Variants in LRRTM3 observed in about 807,000 individuals in gnomAD.
LRRTM3 encodes the protein leucine rich repeat transmembrane neuronal 3, also known as leucine-rich repeat transmembrane neuronal protein 3.
A neutral mutation model predicts 44.7 loss-of-function variants in LRRTM3; 24 were observed. The ratio of observed to expected loss-of-function variants is 0.54; its 90% CI spans 0.39 to 0.76. The LOEUF (loss-of-function observed/expected upper bound fraction) is 0.76, where lower values mean the gene tolerates loss of function less well. LRRTM3 is among the 30% of genes least tolerant of loss of function. The pLI, the probability that LRRTM3 is intolerant of heterozygous loss-of-function variation, is 0.00. For synonymous variants in LRRTM3, 277 were observed against 278.7 expected (o/e 0.99, Z 0.06); for missense variants, 587 against 702.2 (o/e 0.84, Z 1.85).
At chr10:67,078,876 G>T (rs1291170515) in intron 2 of LRRTM3, among the ~76,000 whole-genome samples, 1 of 152,152 alleles carries the variant, frequency 6.6e-6, no homozygotes, top group Non-Finnish European at 1.5e-5. Context: ...CAGGACACTT[G>T]TAATTTTGAC....
intron 2 of LRRTM3, among the ~76,000 whole-genome samples, chr10:66,956,902 GC>G (rs1452901567): frequency 6.6e-6 from 1 of 152,192 alleles, no homozygotes; most frequent in Non-Finnish European, 1.5e-5. Flanking sequence ...GAGTTTAGAA[GC>G]TTTTTGGGGA....
At chr10:67,038,048 A>G (rs1034735606) in intron 2 of LRRTM3, among the ~76,000 whole-genome samples, 1 of 152,120 alleles carries the variant, frequency 6.6e-6, no homozygotes, top group African/African-American at 2.4e-5. Flanking sequence ...AATATTGTTG[A>G]CTGTGTCCAC....
Position 66,928,064 on chromosome 10 carries a change from A to G in LRRTM3, c.1148A>G (p.Lys383Arg), listed in dbSNP as rs1225384331. ...RALPKPTFKP[K>R]LPRPKHESKP... is the part of the protein sequence containing the mutation. ...CTCCCAAAGCCGACGTTTAAGCCCA[A>G]GCTCCCCAGGCCGAAGCATGAGAGC... Residue 383 changes from lysine to arginine, a missense_variant, in exon 2 of 3, where the codon AAG becomes AGG. Lys to Arg is a conservative substitution (Grantham distance 26). Transcript: ENST00000361320. The G allele has an allele frequency of 6.2e-7, 1 of 1,613,936 alleles. No homozygotes were observed. Among genetic ancestry groups the G allele is most frequent in the East Asian group, 2.2e-5 (1 of 44,886 alleles).
intron 2 of LRRTM3, among the ~76,000 whole-genome samples, chr10:66,932,015 T>C (rs1847427775): frequency 6.6e-6 from 1 of 152,076 alleles, no homozygotes; most frequent in African/African-American, 2.4e-5. Flanking sequence ...ATGTCAAAGG[T>C]GTCAAAGGAG....
At chr10:67,001,093 G>A (rs1851656900) in intron 2 of LRRTM3, among the ~76,000 whole-genome samples, 1 of 151,948 alleles carries the variant, frequency 6.6e-6, no homozygotes, top group African/African-American at 2.4e-5. Flanking sequence ...ATGAGGTCAG[G>A]AGATCGAGAC....
chr10:66,952,334 GAGCTACT>G (rs1355463968), intron 2 of LRRTM3, among the ~76,000 whole-genome samples: 1 of 152,178 alleles, frequency 6.6e-6, no homozygotes, highest in Admixed American at 6.6e-5. Flanking sequence ...CTCAATCTAA[GAGCTACT>G]ACCTTTCAAC....
At chr10:66,934,071 G>C (rs1271622323) in intron 2 of LRRTM3, among the ~76,000 whole-genome samples, 1 of 151,938 alleles carries the variant, frequency 6.6e-6, no homozygotes, top group Non-Finnish European at 1.5e-5. Flanking sequence ...GGAACACAGA[G>C]AGAACAGGAA....
intron 2 of LRRTM3, among the ~76,000 whole-genome samples, chr10:66,933,109 C>T (rs1847500872): frequency 6.6e-6 from 1 of 152,154 alleles, no homozygotes; most frequent in Admixed American, 6.6e-5. Context: ...TCAAAAAGCC[C>T]TTAGTGAGAT....
At chr10:66,958,529 G>A (rs1472480229) in intron 2 of LRRTM3, among the ~76,000 whole-genome samples, 1 of 152,010 alleles carries the variant, frequency 6.6e-6, no homozygotes, top group Non-Finnish European at 1.5e-5. Flanking sequence ...ATGTGCAGCT[G>A]GGTTCAGAAT....
chr10:66,988,658 A>G (rs542051365), intron 2 of LRRTM3, among the ~76,000 whole-genome samples: 154 of 152,272 alleles, frequency 1.0e-3, no homozygotes, highest in African/African-American at 3.5e-3. Flanking sequence ...GCCAAAACCA[A>G]CAGTTCATGT....
At chr10:67,069,549 A>G (rs1856307562) in intron 2 of LRRTM3, among the ~76,000 whole-genome samples, 1 of 148,966 alleles carries the variant, frequency 6.7e-6, no homozygotes, top group Middle Eastern at 3.4e-3. Context: ...CAAGGTGTAC[A>G]GCAGCCCGCC....
intron 2 of LRRTM3, among the ~76,000 whole-genome samples, chr10:67,092,983 G>A (rs748117582): frequency 2.0e-5 from 3 of 151,936 alleles, no homozygotes; most frequent in Non-Finnish European, 4.4e-5. Context: ...TTTCTAGAGA[G>A]TAAGTTTTTA....
chr10:67,012,465 A>G (rs914118042), intron 2 of LRRTM3: 2 of 152,202 alleles, frequency 1.3e-5, no homozygotes, highest in African/African-American at 4.8e-5. Flanking sequence ...GGAAATTATA[A>G]ATATTTGCCT....
At chr10:67,006,899 T>A (rs1301151325) in intron 2 of LRRTM3, among the ~76,000 whole-genome samples, 3 of 152,102 alleles carry the variant, frequency 2.0e-5, no homozygotes, top group Admixed American at 6.6e-5. Flanking sequence ...GTTCAAGGCA[T>A]CCTCCTACCT....
intron 2 of LRRTM3, among the ~76,000 whole-genome samples, chr10:66,992,050 G>A (rs980897954): frequency 2.6e-5 from 4 of 151,984 alleles, no homozygotes; most frequent in East Asian, 1.9e-4. Flanking sequence ...CTTTGTGAAC[G>A]TCAACAATTA....
intron 2 of LRRTM3, among the ~76,000 whole-genome samples, chr10:66,930,056 A>AT (rs372950376): frequency 2.8e-4 from 43 of 151,602 alleles, no homozygotes; most frequent in African/African-American, 7.5e-4. Flanking sequence ...ATTTTTACTA[A>AT]TTTTTTTTTA....
At chr10:67,004,847 T>C (rs1231350789) in intron 2 of LRRTM3, among the ~76,000 whole-genome samples, 1 of 152,204 alleles carries the variant, frequency 6.6e-6, no homozygotes, top group Non-Finnish European at 1.5e-5. Context: ...CTATGTATGT[T>C]CAGTCTGACA....
At chr10:66,938,060 T>G (rs1847807449) in intron 2 of LRRTM3, among the ~76,000 whole-genome samples, 1 of 152,188 alleles carries the variant, frequency 6.6e-6, no homozygotes, top group African/African-American at 2.4e-5. Flanking sequence ...ATTGATTTTC[T>G]GGTCATTATT....
intron 2 of LRRTM3, among the ~76,000 whole-genome samples, chr10:66,933,954 G>GT (rs1181366725): frequency 1.3e-5 from 2 of 152,054 alleles, no homozygotes; most frequent in African/African-American, 4.8e-5. Flanking sequence ...GAGGATGATG[G>GT]TTTTTCAGGT....
Sources: allele counts gnomAD v4.1 joint callset (sites outside exome capture counted in the v4.1 genomes callset), GRCh38; gene constraint gnomAD v4.1.1; transcripts MANE v1.5; gene names NCBI Gene and HGNC (gene_info 2026-07-23, HGNC 2026-07-21).